Variants in PDS5B observed in about 807,000 individuals in gnomAD.
PDS5B encodes the protein sister chromatid cohesion protein PDS5 homolog B.
PDS5B carries 51 observed loss-of-function variants against 184.1 expected under a neutral mutation model. The observed-to-expected ratio is 0.28, with a 90% CI of 0.22 to 0.35. The LOEUF (loss-of-function observed/expected upper bound fraction) is 0.35, where lower values mean the gene tolerates loss of function less well. PDS5B is among the 10% of genes least tolerant of loss of function. The pLI is 1.00. For synonymous variants in PDS5B, 566 were observed against 569.2 expected, an observed-to-expected ratio of 0.99 and a Z score of 0.08; for missense variants, 1,180 against 1,723.3, an observed-to-expected ratio of 0.68 and a Z score of 5.58.
chr13:32,631,859 G>T (rs748168227), intron 1 of PDS5B, among the ~76,000 whole-genome samples: 14 of 152,218 alleles, frequency 9.2e-5, no homozygotes, highest in Non-Finnish European at 2.1e-4. Flanking sequence ...CATAGGAATT[G>T]TCTGAGACAT....
chr13:32,708,587 ATG>A (rs1286454231), intron 18 of PDS5B, among the ~76,000 whole-genome samples: 1 of 152,216 alleles, frequency 6.6e-6, no homozygotes, highest in African/African-American at 2.4e-5. Flanking sequence ...CATCAGTAGT[ATG>A]TGAAGGTACC....
chr13:32,741,116 G>C lies in PDS5B; in HGVS notation c.2443G>C (p.Asp815His), dbSNP rs751080949. 5 of 1,577,430 alleles carry C rather than the reference G, an allele frequency of 3.2e-6. No homozygotes were observed. In the African/African-American group the frequency reaches 6.8e-5, roughly 21 times the overall value. Residue 815 changes from aspartate to histidine, a missense_variant, in exon 22 of 35, where the codon GAT (aspartate) becomes CAT (histidine). By Grantham distance (81) the Asp-to-His change is moderately conservative. This residue lies in a region of PDS5B where 475 missense variants were observed against 691.5 expected (regional missense o/e 0.69). Transcript: ENST00000315596. ...GKKTTKLWVP[D>H]EEVSPETMVK... ...AAAGACAACTAAACTTTGGGTTCCA[G>C]ATGAAGAAGTATCTCCTGAGACAAT...
chr13:32,603,725 T>C lies in PDS5B; in HGVS notation c.-20+17132T>C, dbSNP rs148971737. 7.3e-3 allele frequency among the ~76,000 whole-genome samples: 1,113 copies of C among 152,278 alleles called. 10 individuals are homozygous for C. The highest frequency in any genetic ancestry group is 0.026 in the African/African-American group (1,071 of 41,556). The stretch of plus-strand genomic sequence containing the variant: ...TCACAGTATTGATTCTTTCTATCCA[T>C]GAGCATGGAATGTTTGTGTCCTCTT... On this transcript the variant is annotated intron_variant, in intron 1 of 34. Transcript: ENST00000315596.
Position 32,770,262 on chromosome 13 carries a change from G to A in PDS5B, c.3766G>A (p.Ala1256Thr). 6.2e-7 allele frequency: 1 copy of A among 1,613,982 alleles called. No homozygotes were observed. The highest frequency in any genetic ancestry group is 1.1e-5 in the South Asian group (1 of 91,060). ...GCGAAGTCGGAAAAGAGGCCATACG[G>A]CTTCAGAATCTGATGAACAGCAGTG... ...SQRSRKRGHT[A>T]SESDEQQWPE... The change falls in exon 32 of 35, where the codon GCT (alanine) becomes ACT (threonine). Residue 1256 changes from alanine (A) to threonine (T), a missense_variant. Ala to Thr is a moderately conservative substitution (Grantham distance 58). This residue lies in a region of PDS5B where 465 missense variants were observed against 497.8 expected (regional missense o/e 0.93). Coordinates refer to ENST00000315596, the MANE Select transcript of PDS5B (RefSeq NM_015032.4).
chr13:32,614,777 A>G (rs1238013530), intron 1 of PDS5B, among the ~76,000 whole-genome samples: 2 of 152,204 alleles, frequency 1.3e-5, no homozygotes, highest in South Asian at 2.1e-4. Flanking sequence ...AAGTCAAAAC[A>G]TTTTGGCTGT....
chr13:32,647,603 G>A (rs1056554910), intron 1 of PDS5B, among the ~76,000 whole-genome samples: 1 of 151,972 alleles, frequency 6.6e-6, no homozygotes, highest in Non-Finnish European at 1.5e-5. Flanking sequence ...TCGTATCTGC[G>A]AATACATTGA....
At chr13:32,618,053 G>A (rs534717922) in intron 1 of PDS5B, among the ~76,000 whole-genome samples, 1 of 152,280 alleles carries the variant, frequency 6.6e-6, no homozygotes, top group African/African-American at 2.4e-5. Flanking sequence ...GTGGAAGGAA[G>A]GCGGAAGGGC....
At chr13:32,746,730 T>C (rs1396338133) in intron 24 of PDS5B, among the ~76,000 whole-genome samples, 1 of 152,182 alleles carries the variant, frequency 6.6e-6, no homozygotes, top group Non-Finnish European at 1.5e-5. Flanking sequence ...AAGGACACTG[T>C]TTACGTATGA....
In PDS5B at chr13:32,648,765, T is replaced by C; in HGVS notation, c.-8T>C. 2.3e-6 allele frequency: 3 copies of C among 1,303,142 alleles called. No individual in the cohort carries two copies. Among genetic ancestry groups the C allele is most frequent in the East Asian group, 2.3e-5 (1 of 43,350 alleles). The allele number at this position is 1,303,142 out of a possible 1,614,324, so 80.7% of individuals were successfully genotyped here. On this transcript the variant is annotated 5_prime_UTR_variant, in exon 2 of 35. Transcript: ENST00000315596. ...TTTTCTTGTTTCAGGGGTAGAAATA[T>C]TTCTGTCATGGCTCATTCAAAGACT...
At chr13:32,669,487 G>C (rs1278178016) in intron 7 of PDS5B, among the ~76,000 whole-genome samples, 2 of 151,974 alleles carry the variant, frequency 1.3e-5, no homozygotes, top group African/African-American at 4.8e-5. Flanking sequence ...TCGTTATACT[G>C]TTCTCTCAAA....
chr13:32,663,220 A>G (rs1010715752), intron 6 of PDS5B, among the ~76,000 whole-genome samples: 1 of 152,122 alleles, frequency 6.6e-6, no homozygotes, highest in Non-Finnish European at 1.5e-5. Context: ...TTAAGTGGCA[A>G]ATATTCCTAA....
At chr13:32,765,281 T>TG (rs1168686229) in intron 31 of PDS5B, among the ~76,000 whole-genome samples, 6 of 152,228 alleles carry the variant, frequency 3.9e-5, no homozygotes, top group African/African-American at 9.6e-5. Context: ...TTTTCTTATC[T>TG]GTATGTAAAT....
chr13:32,701,541 G>T, intron 17 of PDS5B, 103 bp downstream of exon 17: 1 of 658,156 alleles, frequency 1.5e-6, no homozygotes, highest in Non-Finnish European at 2.7e-6. Flanking sequence ...ACACATCTGT[G>T]TGTATTGTGT....
chr13:32,775,097 C>CATT lies in PDS5B; in HGVS notation c.*45_*46insATT. The CATT allele has an allele frequency of 2.3e-6, 2 of 862,706 alleles. No homozygotes were observed. The highest frequency in any genetic ancestry group is 3.4e-6 in the Non-Finnish European group (2 of 591,420). The allele number at this position is 862,706 out of a possible 1,614,324, so 53.4% of individuals were successfully genotyped here. Reference sequence around the variant, plus strand: ...TTCTCTGTGAAAGCTTTGGAAAAATCTTTTTTTTTTTTTTTGGTCAAGCTT... The same window carrying CATT: ...TTCTCTGTGAAAGCTTTGGAAAAATCATTTTTTTTTTTTTTTTTGGTCAAGCTT... On this transcript the variant is annotated 3_prime_UTR_variant, in exon 35 of 35. Coordinates refer to ENST00000315596, the MANE Select transcript of PDS5B (RefSeq NM_015032.4).
intron 12 of PDS5B, 40 bp from the exon 13 acceptor site, chr13:32,688,416 A>G (rs2140828410): frequency 1.0e-6 from 1 of 1,001,482 alleles, no homozygotes; most frequent in East Asian, 2.4e-5. Flanking sequence ...TTAGAACATT[A>G]GAAAAAAATC....
chr13:32,667,802 A>G lies in PDS5B; in HGVS notation c.663A>G (p.Leu221=). 2 of 1,596,938 alleles carry G rather than the reference A, an allele frequency of 1.3e-6. No homozygotes were observed. Among genetic ancestry groups the G allele is most frequent in the Non-Finnish European group, 8.5e-7 (1 of 1,173,046 alleles). ...AAGCATATGATTTGGCAAAGGCTTT[A>G]CTGAAGAGGACAGCTCAAGCTATTG... is the stretch of plus-strand genomic sequence containing the variant. ...NKQAYDLAKA[L]LKRTAQAIEP... is the part of the protein sequence containing the mutation. The change falls in exon 7 of 35, where the codon TTA becomes TTG. Residue 221 remains leucine, a synonymous_variant. Transcript: ENST00000315596.
intron 1 of PDS5B, among the ~76,000 whole-genome samples, chr13:32,645,984 GGGTGTGTGGGTGTGTGGTGTGTGGTGTGT>G (rs1428343728): frequency 7.2e-6 from 1 of 139,644 alleles, no homozygotes; most frequent in Non-Finnish European, 1.6e-5. Context: ...GTGTGTGTGT[GGGTGTGTGGGTGTGTGGTGTGTGGTGTGT>G]GGTGTGTGTT....
At chr13:32,764,135 G>C (rs1954505791) in intron 30 of PDS5B, among the ~76,000 whole-genome samples, 1 of 151,864 alleles carries the variant, frequency 6.6e-6, no homozygotes, top group Non-Finnish European at 1.5e-5. Context: ...ACAGAGAGAA[G>C]AAAAAATAGA....
At position 32,659,273 on chromosome 13, in the gene PDS5B, C is replaced by A; in HGVS notation, c.617C>A (p.Ala206Asp). The A allele has an allele frequency of 6.3e-7, 1 of 1,584,000 alleles. No homozygotes were observed. The highest frequency in any genetic ancestry group is 8.6e-7 in the Non-Finnish European group (1 of 1,160,960). Residue 206 changes from alanine to aspartate, a missense_variant, in exon 6 of 35, where the codon GCT becomes GAT. Physicochemically the swap from Ala to Asp is moderately radical, Grantham distance 126. Around this residue, in one of 11 missense-constraint regions of PDS5B, gnomAD observed 79 missense variants for 124.6 expected, o/e 0.63. Coordinates refer to ENST00000315596, the MANE Select transcript of PDS5B (RefSeq NM_015032.4). ...LDTVLVNLVP[A>D]HKNLNKQAYD... ...ACGGTTTTAGTAAATCTGGTACCTG[C>A]TCATAAGGTGAGTAGCAATGTATAC...
Sources: allele counts gnomAD v4.1 joint callset (sites outside exome capture counted in the v4.1 genomes callset), GRCh38; gene constraint gnomAD v4.1.1; regional missense constraint gnomAD v4.1.1; transcripts MANE v1.5; gene names NCBI Gene and HGNC (gene_info 2026-07-23, HGNC 2026-07-21).